Variants in ELAVL2 observed in about 807,000 individuals in gnomAD.
ELAVL2 encodes the protein ELAV like RNA binding protein 2.
Under a neutral mutation model 34.6 loss-of-function variants are expected in ELAVL2, and 4 were observed. The ratio of observed to expected loss-of-function variants is 0.12; its 90% confidence interval spans 0.06 to 0.26. The LOEUF is 0.26. Ranked by LOEUF, ELAVL2 falls within the 10% of genes least tolerant of loss-of-function variation. ELAVL2 has a pLI of 1.00. For synonymous variants in ELAVL2, 193 were observed against 154.8 expected, an observed-to-expected ratio of 1.25 and a Z score of -1.83; for missense variants, 432 against 442.8, an observed-to-expected ratio of 0.98 and a Z score of 0.22.
chr9:23,788,948 C>T (rs12350071), intron 1 of ELAVL2, among the ~76,000 whole-genome samples: 11,411 of 152,158 alleles, frequency 0.075, 1,306 homozygotes, highest in African/African-American at 0.25. Context: ...TTGTGAACCA[C>T]AGTTGACTGC....
intron 2 of ELAVL2, among the ~76,000 whole-genome samples, chr9:23,761,102 C>T (rs758084742): frequency 1.3e-5 from 2 of 151,964 alleles, no homozygotes; most frequent in Non-Finnish European, 2.9e-5. Flanking sequence ...TTCACACTGC[C>T]TTTAAGTATC....
At chr9:23,719,365 T>C (rs909836575) in intron 3 of ELAVL2, among the ~76,000 whole-genome samples, 18 of 152,274 alleles carry the variant, frequency 1.2e-4, no homozygotes, top group African/African-American at 3.4e-4. Context: ...GAGAGGGGTG[T>C]TTTTACCCCT....
the ELAVL2 span, chr9:23,847,366 A>G: frequency 6.6e-6 from 1 of 152,082 alleles, no homozygotes; most frequent in East Asian, 1.9e-4. Context: ...CACTTCCTAC[A>G]TCTCACTTTT....
chr9:23,749,155 A>G (rs2051265196), intron 2 of ELAVL2, among the ~76,000 whole-genome samples: 1 of 152,140 alleles, frequency 6.6e-6, no homozygotes. Context: ...TTTTGCCACA[A>G]TAAAAACATT....
chr9:23,730,906 T>A, intron 3 of ELAVL2, 116 bp downstream of exon 3: 1 of 893,920 alleles, frequency 1.1e-6, no homozygotes, highest in South Asian at 2.0e-5. Context: ...TTCCACTATG[T>A]CTCCCAGGTA....
At chr9:23,720,469 G>C (rs927138872) in intron 3 of ELAVL2, among the ~76,000 whole-genome samples, 5 of 152,070 alleles carry the variant, frequency 3.3e-5, no homozygotes, top group African/African-American at 1.2e-4. Flanking sequence ...GCCTGGCCAA[G>C]ACACCCATTT....
At chr9:23,713,254 C>A (rs2041466766) in intron 3 of ELAVL2, among the ~76,000 whole-genome samples, 1 of 152,138 alleles carries the variant, frequency 6.6e-6, no homozygotes, top group Non-Finnish European at 1.5e-5. Context: ...GCAACTTAGG[C>A]CATAAATACC....
intron 5 of ELAVL2, among the ~76,000 whole-genome samples, chr9:23,697,766 G>A (rs1441537077): frequency 6.6e-6 from 1 of 152,044 alleles, no homozygotes; most frequent in African/African-American, 2.4e-5. Flanking sequence ...AGGCCTACAT[G>A]TAAGTAAGGG....
At chr9:23,735,696 T>C (rs547148030) in intron 2 of ELAVL2, 16 of 152,338 alleles carry the variant, frequency 1.1e-4, no homozygotes, top group African/African-American at 3.8e-4. Context: ...CTAACATACA[T>C]GCCACAGAAA....
chr9:23,785,545 T>A (rs1173365570), intron 1 of ELAVL2, among the ~76,000 whole-genome samples: 1 of 152,188 alleles, frequency 6.6e-6, no homozygotes, highest in African/African-American at 2.4e-5. Context: ...TTAAGGATAG[T>A]GTGAAAACAA....
chr9:23,717,552 C>G (rs1394608351), intron 3 of ELAVL2, among the ~76,000 whole-genome samples: 1 of 152,156 alleles, frequency 6.6e-6, no homozygotes, highest in Non-Finnish European at 1.5e-5. Flanking sequence ...ACGTGAAGGC[C>G]TCTGTGCTTT....
At chr9:23,795,473 G>T (rs1564499751) in intron 1 of ELAVL2, among the ~76,000 whole-genome samples, 1 of 152,160 alleles carries the variant, frequency 6.6e-6, no homozygotes, top group Non-Finnish European at 1.5e-5. Flanking sequence ...AACCTGGGAG[G>T]CGGAGGCTGC....
At chr9:23,697,258 A>C (rs972559245) in intron 5 of ELAVL2, among the ~76,000 whole-genome samples, 4 of 152,244 alleles carry the variant, frequency 2.6e-5, no homozygotes, top group Admixed American at 2.6e-4. Context: ...GGGAAATACA[A>C]GTAAATAAGG....
At chr9:23,826,451 G>C (rs916884740), upstream of ELAVL2, 1 of 152,372 alleles carries the variant, frequency 6.6e-6, no homozygotes, top group African/African-American at 2.4e-5. Context: ...GCCCAGGCGG[G>C]GCCGCGTGAG....
chr9:23,733,188 AAAAACT>A (rs1323993494), intron 2 of ELAVL2, among the ~76,000 whole-genome samples: 2 of 151,236 alleles, frequency 1.3e-5, no homozygotes, highest in Non-Finnish European at 2.9e-5. Flanking sequence ...AAAAAAAAAA[AAAAACT>A]AAAACAAAAA....
the ELAVL2 span, chr9:23,847,297 T>A: frequency 2.6e-5 from 4 of 152,050 alleles, no homozygotes; most frequent in Non-Finnish European, 5.9e-5. Context: ...GCCCTGGATA[T>A]GGTACAAAGG....
At chr9:23,738,537 G>C (rs2048415263) in intron 2 of ELAVL2, among the ~76,000 whole-genome samples, 1 of 152,068 alleles carries the variant, frequency 6.6e-6, no homozygotes, top group Admixed American at 6.6e-5. Flanking sequence ...GACATTACCA[G>C]GGATTATCAC....
intron 2 of ELAVL2, among the ~76,000 whole-genome samples, chr9:23,741,398 G>A (rs1486764670): frequency 6.6e-6 from 1 of 152,292 alleles, no homozygotes; most frequent in East Asian, 1.9e-4. Context: ...CCCAGGGACA[G>A]TCACCTTAGT....
intron 5 of ELAVL2, among the ~76,000 whole-genome samples, chr9:23,700,115 CAT>C (rs2036675126): frequency 6.6e-6 from 1 of 151,978 alleles, no homozygotes; most frequent in Admixed American, 6.6e-5. Context: ...AGCTAGAAAA[CAT>C]AACTCCTGAT....
Sources: allele counts gnomAD v4.1 joint callset (sites outside exome capture counted in the v4.1 genomes callset), GRCh38; gene constraint gnomAD v4.1.1; transcripts MANE v1.5; gene names NCBI Gene and HGNC (gene_info 2026-07-23, HGNC 2026-07-21).